The following RPS19 variants were observed in gnomAD, a reference collection of about 807,000 sequenced individuals.
The protein encoded by RPS19 is ribosomal protein S19.
A neutral mutation model predicts 20.3 loss-of-function variants in RPS19; 1 was observed. The observed-to-expected ratio is 0.05, with a 90% CI of 0.02 to 0.23. RPS19 has a LOEUF of 0.23. Among genes scored for constraint, RPS19 ranks in the 10% least tolerant of loss-of-function variants. The pLI is 1.00. For synonymous variants in RPS19, 87 were observed against 74.8 expected, an observed-to-expected ratio of 1.16 and a Z score of -0.84; for missense variants, 111 against 192.7, an observed-to-expected ratio of 0.58 and a Z score of 2.51.
At chr19:41,863,864 T>C (rs1281841137) in intron 3 of RPS19, 14 of 108,232 alleles carry the variant, frequency 1.3e-4, no homozygotes, top group Non-Finnish European at 2.9e-4. Context: ...TTTTTTTTTT[T>C]AAACAGAGTT....
chr19:41,865,104 T>C (rs2123271696), intron 3 of RPS19, among the ~76,000 whole-genome samples: 1 of 152,236 alleles, frequency 6.6e-6, no homozygotes, highest in Middle Eastern at 3.4e-3. Flanking sequence ...AAGCCTCCAT[T>C]GAAGAACCTA....
chr19:41,871,292 C>T, intron 5 of RPS19, 59 bp from the exon 6 acceptor site: 1 of 1,548,482 alleles, frequency 6.5e-7, no homozygotes, highest in Non-Finnish European at 8.9e-7. Context: ...GTAGCTGTTA[C>T]AAAGTGCCCC....
chr19:41,869,511 C>A (rs1042445421), intron 4 of RPS19, 188 bp from the exon 5 acceptor site: 3 of 629,164 alleles, frequency 4.8e-6, no homozygotes, highest in East Asian at 5.5e-5. Context: ...CAAACAACAC[C>A]CCGTCAGCTC....
chr19:41,867,021 A>G (rs1330922473), intron 3 of RPS19, among the ~76,000 whole-genome samples: 2 of 149,580 alleles, frequency 1.3e-5, no homozygotes, highest in African/African-American at 2.5e-5. Context: ...TCCATCTCAG[A>G]AAAAAAAAAT....
chr19:41,865,215 A>G (rs974820811), intron 3 of RPS19, among the ~76,000 whole-genome samples: 1 of 152,114 alleles, frequency 6.6e-6, no homozygotes, highest in East Asian at 1.9e-4. Context: ...AAAAATAAAA[A>G]TTAGCCAGGC....
intron 3 of RPS19, among the ~76,000 whole-genome samples, chr19:41,867,224 C>T (rs184633301): frequency 4.0e-5 from 6 of 151,876 alleles, no homozygotes; most frequent in Non-Finnish European, 5.9e-5. Context: ...TGAGCTGTTA[C>T]CACTGCACTC....
In RPS19 at chr19:41,872,133, C is replaced by T. The variant is rs2074155194; in HGVS notation, c.*756C>T. ...GGGCGGCCACACACGGGCTGCACAA[C>T]CTTTGCAGTCGTGCACGGCAAGTGG... On this transcript the variant is annotated 3_prime_UTR_variant, in exon 6 of 6. Coordinates refer to ENST00000598742, the MANE Select transcript of RPS19 (RefSeq NM_001022.4). The T allele has an allele frequency of 6.6e-6, 1 of 152,326 alleles. No individual in the cohort carries two copies. The allele number at this position is 152,326 out of a possible 1,614,324, so 9.4% of individuals were successfully genotyped here. A position where few individuals can be genotyped will look rare whatever the true frequency, so the allele number is the denominator to read the frequency against.
chr19:41,869,890 T>C, intron 5 of RPS19, 137 bp downstream of exon 5: 1 of 844,036 alleles, frequency 1.2e-6, no homozygotes, highest in South Asian at 1.5e-5. Context: ...AGAGGAGGGC[T>C]GCCCAGAGAC....
intron 3 of RPS19, among the ~76,000 whole-genome samples, chr19:41,865,683 T>C (rs1207917514): frequency 6.6e-6 from 1 of 152,082 alleles, no homozygotes; most frequent in Non-Finnish European, 1.5e-5. Flanking sequence ...GCGCGGTGGC[T>C]CACACCTGTA....
rs1162793082 is a variant in RPS19 at position 41,872,825 on chromosome 19, G to T, written c.*1448G>T. On this transcript the variant is annotated 3_prime_UTR_variant, in exon 6 of 6. Coordinates refer to ENST00000598742, the MANE Select transcript of RPS19 (RefSeq NM_001022.4). ...CAGAAGAATCGCTCGAACCCCGGAG[G>T]CGGAGGTTGCAGTGGGTTGAGATCG... 1 of 152,204 alleles carries T rather than the reference G, an allele frequency of 6.6e-6. No individual in the cohort carries two copies. Among genetic ancestry groups the T allele is most frequent in the Non-Finnish European group, 1.5e-5 (1 of 68,050 alleles). 9.4% of individuals were successfully genotyped at this position (152,204 alleles called of 1,614,324 possible). A position where few individuals can be genotyped will look rare whatever the true frequency, so the allele number is the denominator to read the frequency against.
In RPS19 at chr19:41,861,172, G is replaced by A. The variant is rs782587972; in HGVS notation, c.132G>A (p.Glu44=). Residue 44 remains glutamate, a synonymous_variant, in exon 3 of 6, where the codon GAG becomes GAA. Coordinates refer to ENST00000598742, the MANE Select transcript of RPS19 (RefSeq NM_001022.4). ...CCGTCAAGCTGGCCAAGCACAAAGA[G>A]CTTGCTCCCTACGATGAGAACTGGT... is the stretch of plus-strand genomic sequence containing the variant. The part of the protein sequence containing the change: ...VDTVKLAKHK[E]LAPYDENWFY... The A allele has an allele frequency of 3.7e-6, 6 of 1,614,032 alleles. No homozygotes were observed. In the African/African-American group the frequency reaches 4.0e-5, roughly 11 times the overall value.
In RPS19 at chr19:41,871,965, A is replaced by G. The variant is rs2074153622; in HGVS notation, c.*588A>G. The G allele has an allele frequency of 6.3e-6, 1 of 157,968 alleles. No homozygotes were observed. The highest frequency in any genetic ancestry group is 2.4e-5 in the African/African-American group (1 of 41,504). The allele number at this position is 157,968 out of a possible 1,614,324, so 9.8% of individuals were successfully genotyped here. On this transcript the variant is annotated 3_prime_UTR_variant, in exon 6 of 6. Coordinates refer to ENST00000598742, the MANE Select transcript of RPS19 (RefSeq NM_001022.4). Reference sequence around the variant, plus strand: ...CCGCAAACTGACCTGTGCTGCCTACACACTAACTTTCCTGGGCCTGGGGCC... The same window carrying G: ...CCGCAAACTGACCTGTGCTGCCTACGCACTAACTTTCCTGGGCCTGGGGCC...
intron 3 of RPS19, among the ~76,000 whole-genome samples, chr19:41,867,737 C>A (rs548068476): frequency 6.6e-6 from 1 of 151,812 alleles, no homozygotes; most frequent in East Asian, 1.9e-4. Flanking sequence ...CCCAGGAGTT[C>A]GAGGCTGCAG....
At chr19:41,865,232 G>A (rs1384474551) in intron 3 of RPS19, among the ~76,000 whole-genome samples, 2 of 152,142 alleles carry the variant, frequency 1.3e-5, no homozygotes, top group Non-Finnish European at 2.9e-5. Flanking sequence ...AGGCGTGGTA[G>A]CAGGCGCCTG....
At chr19:41,871,083 G>A (rs958697650) in intron 5 of RPS19, among the ~76,000 whole-genome samples, 2 of 151,826 alleles carry the variant, frequency 1.3e-5, no homozygotes, top group Admixed American at 6.6e-5. Context: ...GGCTGGTCTC[G>A]AACTCTTGAC....
Position 41,861,467 on chromosome 19 carries a change from A to G in RPS19, c.172+255A>G. ...AAACCAGAGACAGATGAATGTTCAT[A>G]TTTTGCTTACAGGTGGTTTAATCCT... On this transcript the variant is annotated intron_variant, in intron 3 of 5. Transcript: ENST00000598742. 4 of 518,288 alleles carry G rather than the reference A, an allele frequency of 7.7e-6. 1 individual carries two copies. Among genetic ancestry groups the G allele is most frequent in the South Asian group, 6.1e-5 (3 of 48,910 alleles). The allele number at this position is 518,288 out of a possible 1,614,324, so 32.1% of individuals were successfully genotyped here.
chr19:41,860,662 CG>C (rs1329069099), intron 1 of RPS19, 112 bp from the exon 2 acceptor site: 6 of 866,850 alleles, frequency 6.9e-6, no homozygotes, highest in African/African-American at 4.9e-5. Flanking sequence ...TGGGAAGTAA[CG>C]GGGGGTACCA....
Position 41,869,168 on chromosome 19 carries a change from C to G in RPS19, c.310C>G (p.Leu104Val). ...RGSKSVARRVLQALEGLKMVE... is the reference protein window; with the variant it reads ...RGSKSVARRVVQALEGLKMVE... ...CTCCAAGAGTGTGGCCCGCCGGGTC[C>G]TCCAAGCCCTGGAGGGGCTGAAAAT... is the stretch of plus-strand genomic sequence containing the variant. The change falls in exon 4 of 6, where the codon CTC becomes GTC. Residue 104 changes from leucine (L) to valine (V), a missense_variant. By Grantham distance (32) the Leu-to-Val change is conservative. Coordinates refer to ENST00000598742, the MANE Select transcript of RPS19 (RefSeq NM_001022.4). The G allele has an allele frequency of 6.2e-7, 1 of 1,613,950 alleles. No homozygotes were observed.
At chr19:41,869,366 C>T (rs190190654) in intron 4 of RPS19, 152 bp downstream of exon 4, 15 of 762,680 alleles carry the variant, frequency 2.0e-5, no homozygotes, top group Middle Eastern at 3.8e-4. Flanking sequence ...GCAAACAGCA[C>T]GGGGCCTCAC....
Sources: allele counts gnomAD v4.1 joint callset (sites outside exome capture counted in the v4.1 genomes callset), GRCh38; gene constraint gnomAD v4.1.1; transcripts MANE v1.5; gene names NCBI Gene and HGNC (gene_info 2026-07-23, HGNC 2026-07-21).